Variants in VWC2L observed in about 807,000 individuals in gnomAD.
VWC2L encodes the protein von Willebrand factor C domain containing 2 like.
In VWC2L, 10 loss-of-function variants were observed where a neutral mutation model predicts 21.6. The observed-to-expected ratio is 0.46, with a 90% CI of 0.29 to 0.78. The LOEUF (loss-of-function observed/expected upper bound fraction) is 0.78. VWC2L is among the 30% of genes least tolerant of loss of function. The pLI is 0.10. For synonymous variants in VWC2L, 96 were observed against 94.3 expected (o/e 1.02, Z -0.10); for missense variants, 209 against 277.1 (o/e 0.75, Z 1.74).
chr2:214,494,188 G>C (rs890639862), intron 3 of VWC2L, among the ~76,000 whole-genome samples: 12 of 152,106 alleles, frequency 7.9e-5, no homozygotes, highest in Admixed American at 5.2e-4. Flanking sequence ...ACATAAACAG[G>C]AAACACTGTA....
intron 3 of VWC2L, among the ~76,000 whole-genome samples, chr2:214,476,801 A>C (rs1401856305): frequency 6.6e-6 from 1 of 152,096 alleles, no homozygotes; most frequent in Non-Finnish European, 1.5e-5. Flanking sequence ...CTCCCTTTTA[A>C]GATATTGAAG....
At chr2:214,414,801 T>G in intron 2 of VWC2L, 1 of 562,468 alleles carries the variant, frequency 1.8e-6, no homozygotes, top group Non-Finnish European at 3.0e-6. Context: ...TTTATTTTTT[T>G]TCCCAGAAGT....
intron 3 of VWC2L, among the ~76,000 whole-genome samples, chr2:214,487,415 T>A (rs1245333930): frequency 1.3e-5 from 2 of 152,190 alleles, no homozygotes; most frequent in Non-Finnish European, 2.9e-5. Flanking sequence ...TAGGTGCTGC[T>A]TTTAAGAGGT....
At chr2:214,419,401 T>C (rs1286849874) in intron 2 of VWC2L, among the ~76,000 whole-genome samples, 1 of 152,182 alleles carries the variant, frequency 6.6e-6, no homozygotes, top group African/African-American at 2.4e-5. Context: ...GAAGAAATAA[T>C]TTCTTATTTT....
At chr2:214,432,094 T>C (rs1248417627) in intron 2 of VWC2L, among the ~76,000 whole-genome samples, 1 of 152,202 alleles carries the variant, frequency 6.6e-6, no homozygotes, top group Non-Finnish European at 1.5e-5. Context: ...AAACATCTCA[T>C]TGACTCAAAA....
At chr2:214,445,697 CA>C (rs1702827635) in intron 3 of VWC2L, among the ~76,000 whole-genome samples, 1 of 151,724 alleles carries the variant, frequency 6.6e-6, no homozygotes, top group Non-Finnish European at 1.5e-5. Context: ...CTTCCTTTGA[CA>C]AACCTGTATT....
At chr2:214,414,847 T>C (rs1702331367) in intron 2 of VWC2L, 2 of 428,710 alleles carry the variant, frequency 4.7e-6, no homozygotes, top group East Asian at 5.0e-5. Context: ...ATTTTTGCCC[T>C]TAAACATTTC....
chr2:214,536,731 T>G (rs1167425768), intron 3 of VWC2L: 1 of 152,062 alleles, frequency 6.6e-6, no homozygotes, highest in African/African-American at 2.4e-5. Context: ...CTTCCATGCT[T>G]GAAATATTCC....
At chr2:214,513,759 A>G (rs1257936148) in intron 3 of VWC2L, among the ~76,000 whole-genome samples, 1 of 152,130 alleles carries the variant, frequency 6.6e-6, no homozygotes, top group Non-Finnish European at 1.5e-5. Flanking sequence ...GTTATAAAAC[A>G]GAACCCTCTA....
chr2:214,471,344 G>A (rs144224779), intron 3 of VWC2L, among the ~76,000 whole-genome samples: 297 of 152,244 alleles, frequency 2.0e-3, no homozygotes, highest in African/African-American at 6.8e-3. Flanking sequence ...AAAGTTGAAC[G>A]AACAAATCAA....
intron 2 of VWC2L, among the ~76,000 whole-genome samples, chr2:214,430,487 C>T (rs1253776806): frequency 6.6e-6 from 1 of 152,026 alleles, no homozygotes; most frequent in Non-Finnish European, 1.5e-5. Flanking sequence ...TCTCGATATA[C>T]CTTATATACA....
Position 214,432,935 on chromosome 2 carries a change from T to C in VWC2L, c.391-3694T>C, listed in dbSNP as rs1447178893. Among the ~76,000 whole-genome samples the C allele has an allele frequency of 2.0e-5, 3 of 150,508 alleles. No individual in the cohort carries two copies. The East Asian group carries it at 5.9e-4, about 30-fold the overall frequency. ...TATTTGGGAGGCTGAGGCAGGAGAATCACTTAAACCCAGGAGGCAGAGGTT... is the reference window on the plus strand; with the variant it reads ...TATTTGGGAGGCTGAGGCAGGAGAACCACTTAAACCCAGGAGGCAGAGGTT... On this transcript the variant is annotated intron_variant, in intron 2 of 3. Transcript: ENST00000312504.
intron 3 of VWC2L, among the ~76,000 whole-genome samples, chr2:214,439,564 T>C (rs1702733073): frequency 6.6e-6 from 1 of 151,968 alleles, no homozygotes; most frequent in South Asian, 2.1e-4. Context: ...GGGCAAGTAA[T>C]TTTCAGTTTG....
chr2:214,459,127 A>G (rs1703099270), intron 3 of VWC2L, among the ~76,000 whole-genome samples: 1 of 152,088 alleles, frequency 6.6e-6, no homozygotes, highest in Non-Finnish European at 1.5e-5. Flanking sequence ...GAATTGTTAT[A>G]TCTTGTTGCT....
intron 3 of VWC2L, among the ~76,000 whole-genome samples, chr2:214,488,947 T>A (rs117153509): frequency 6.6e-6 from 1 of 152,298 alleles, no homozygotes; most frequent in East Asian, 1.9e-4. Context: ...TCCACCCCCA[T>A]CACCCAACAC....
intron 3 of VWC2L, among the ~76,000 whole-genome samples, chr2:214,483,796 G>T (rs1365215631): frequency 2.6e-5 from 4 of 152,152 alleles, no homozygotes; most frequent in African/African-American, 9.7e-5. Context: ...TTGATCGAGG[G>T]ATGGGGCTGC....
chr2:214,456,890 T>C (rs185991941), intron 3 of VWC2L, among the ~76,000 whole-genome samples: 1 of 152,266 alleles, frequency 6.6e-6, no homozygotes, highest in East Asian at 1.9e-4. Context: ...TGTAAATATA[T>C]GGATTTATTT....
intron 3 of VWC2L, chr2:214,534,044 G>A (rs185943298): frequency 1.4e-4 from 21 of 152,616 alleles, no homozygotes; most frequent in Non-Finnish European, 2.9e-4. Flanking sequence ...AGATATTGGT[G>A]GCTGGAATCA....
chr2:214,447,203 A>AT (rs1702851036), intron 3 of VWC2L, among the ~76,000 whole-genome samples: 1 of 152,134 alleles, frequency 6.6e-6, no homozygotes, highest in Non-Finnish European at 1.5e-5. Context: ...ATACCTAGAA[A>AT]TGATATCTCT....
Sources: allele counts gnomAD v4.1 joint callset (sites outside exome capture counted in the v4.1 genomes callset), GRCh38; gene constraint gnomAD v4.1.1; transcripts MANE v1.5; gene names NCBI Gene and HGNC (gene_info 2026-07-23, HGNC 2026-07-21).